Variants in OSBP2 observed in about 807,000 individuals in gnomAD.
OSBP2 encodes the protein oxysterol binding protein 2, also known as oxysterol-binding protein 2.
OSBP2 carries 66 observed loss-of-function variants against 96.0 expected under a neutral mutation model. The ratio of observed to expected loss-of-function variants is 0.69; its 90% CI spans 0.56 to 0.84. The LOEUF (loss-of-function observed/expected upper bound fraction) is 0.84, where lower values mean the gene tolerates loss of function less well. Among genes scored for constraint, OSBP2 ranks in the 40% least tolerant of loss-of-function variants. OSBP2 has a pLI of 0.00. For missense variants in OSBP2, 1,038 were observed against 1,222.7 expected, an observed-to-expected ratio of 0.85 and a Z score of 2.25; for synonymous variants, 525 against 520.9, an observed-to-expected ratio of 1.01 and a Z score of -0.11.
At chr22:30,857,622 G>C (rs781225603) in intron 2 of OSBP2, among the ~76,000 whole-genome samples, 5 of 152,318 alleles carry the variant, frequency 3.3e-5, no homozygotes, top group South Asian at 4.1e-4. Context: ...AATGCTTGTA[G>C]CCTCCTCATT....
chr22:30,851,237 AT>A (rs58883835), intron 2 of OSBP2, among the ~76,000 whole-genome samples: 47,522 of 144,508 alleles, frequency 0.33, 7,962 homozygotes, highest in African/African-American at 0.45. Context: ...TAATTTTTGT[AT>A]TTTTTTTTTT....
In OSBP2 at chr22:30,887,599, C is replaced by A; in HGVS notation, c.1281C>A (p.Pro427=). 2 of 1,604,978 alleles carry A rather than the reference C, an allele frequency of 1.2e-6. No homozygotes were observed. The highest frequency in any genetic ancestry group is 2.3e-5 in the East Asian group (1 of 44,394). ...FHSAPGRPAN[P]SKSFIEGSLL... Reference sequence around the variant, plus strand: ...GTGCCCCTGGCCGGCCGGCCAACCCCTCCAAGAGCTTCATTGAGGGTGAGT... The same window carrying A: ...GTGCCCCTGGCCGGCCGGCCAACCCATCCAAGAGCTTCATTGAGGGTGAGT... Residue 427 remains proline (P), a synonymous_variant, in exon 4 of 14, where the codon CCC becomes CCA. Coordinates refer to ENST00000332585, the MANE Select transcript of OSBP2 (RefSeq NM_030758.4).
At chr22:30,829,159 G>A (rs114713001) in intron 2 of OSBP2, among the ~76,000 whole-genome samples, 2 of 152,174 alleles carry the variant, frequency 1.3e-5, no homozygotes, top group African/African-American at 2.4e-5. Flanking sequence ...AGAACATAGC[G>A]TGCTCTCCAG....
chr22:30,711,548 T>C (rs1280940613), intron 1 of OSBP2, among the ~76,000 whole-genome samples: 1 of 151,882 alleles, frequency 6.6e-6, no homozygotes, highest in Non-Finnish European at 1.5e-5. Flanking sequence ...GAGACCAGCC[T>C]GGGCAACATG....
chr22:30,851,701 G>A (rs1416961039), intron 2 of OSBP2, among the ~76,000 whole-genome samples: 1 of 152,012 alleles, frequency 6.6e-6, no homozygotes, highest in Non-Finnish European at 1.5e-5. Context: ...TCCTAAACCA[G>A]GAAGTTTATT....
At chr22:30,841,591 C>T (rs763968912) in intron 2 of OSBP2, among the ~76,000 whole-genome samples, 1 of 152,094 alleles carries the variant, frequency 6.6e-6, no homozygotes, top group South Asian at 2.1e-4. Flanking sequence ...GCAATAAGTG[C>T]GTCACATGAA....
At chr22:30,740,461 T>C (rs1408979357) in intron 1 of OSBP2, among the ~76,000 whole-genome samples, 1 of 152,234 alleles carries the variant, frequency 6.6e-6, no homozygotes, top group Non-Finnish European at 1.5e-5. Context: ...AATGTTACTC[T>C]AGTCCCTAGG....
intron 2 of OSBP2, among the ~76,000 whole-genome samples, chr22:30,765,308 C>T (rs557761554): frequency 6.6e-6 from 1 of 152,262 alleles, no homozygotes; most frequent in East Asian, 1.9e-4. Flanking sequence ...CTCCCGGGTT[C>T]AGACGATTCT....
Position 30,888,272 on chromosome 22 carries a change from C to T in OSBP2, c.1350C>T (p.Thr450=), listed in dbSNP as rs1427999788. ...AGGACAGTGAGGAAGATGAAGATAC[C>T]GAGTACTTTGATGCCATGGAAGACT... ...KGEDSEEDED[T]EYFDAMEDST... is the part of the protein sequence containing the mutation. Residue 450 remains threonine (T), a synonymous_variant, in exon 5 of 14, where the codon ACC becomes ACT. Coordinates refer to ENST00000332585, the MANE Select transcript of OSBP2 (RefSeq NM_030758.4). 13 of 1,613,738 alleles carry T rather than the reference C, an allele frequency of 8.1e-6. No homozygotes were observed. The highest frequency in any genetic ancestry group is 3.3e-5 in the South Asian group (3 of 91,076).
At chr22:30,711,559 G>A (rs989384796) in intron 1 of OSBP2, among the ~76,000 whole-genome samples, 7 of 151,880 alleles carry the variant, frequency 4.6e-5, no homozygotes, top group African/African-American at 1.7e-4. Context: ...GGGCAACATG[G>A]CAAAACCCCA....
At chr22:30,787,162 C>A (rs891985896) in intron 2 of OSBP2, among the ~76,000 whole-genome samples, 1 of 152,142 alleles carries the variant, frequency 6.6e-6, no homozygotes. Flanking sequence ...CTAATAAAGA[C>A]ATACCCAAGA....
intron 2 of OSBP2, among the ~76,000 whole-genome samples, chr22:30,814,812 C>T (rs1158049976): frequency 6.6e-6 from 1 of 152,160 alleles, no homozygotes; most frequent in African/African-American, 2.4e-5. Context: ...TGGGGGGACA[C>T]ATTTCAACCC....
intron 2 of OSBP2, among the ~76,000 whole-genome samples, chr22:30,794,417 A>T (rs1158729761): frequency 1.3e-5 from 2 of 151,890 alleles, no homozygotes; most frequent in East Asian, 3.9e-4. Flanking sequence ...GGCGCCCGAC[A>T]TCATGTCCGA....
intron 2 of OSBP2, among the ~76,000 whole-genome samples, chr22:30,748,019 G>A (rs2145750792): frequency 6.6e-6 from 1 of 151,120 alleles, no homozygotes; most frequent in African/African-American, 2.4e-5. Flanking sequence ...TGGGACTACA[G>A]GCACCCACCA....
chr22:30,872,422 C>T (rs1012324003), intron 3 of OSBP2: 1 of 455,630 alleles, frequency 2.2e-6, no homozygotes, highest in Non-Finnish European at 4.4e-6. Flanking sequence ...AGCTGGCTGC[C>T]GTCTTGCACA....
intron 2 of OSBP2, among the ~76,000 whole-genome samples, chr22:30,846,586 T>C (rs2038875607): frequency 1.3e-5 from 2 of 152,172 alleles, no homozygotes; most frequent in African/African-American, 2.4e-5. Context: ...TGTGGGTTTT[T>C]TTTTTAATCC....
chr22:30,880,043 C>CT (rs1349582293), intron 3 of OSBP2, among the ~76,000 whole-genome samples: 1 of 151,504 alleles, frequency 6.6e-6, no homozygotes, highest in Non-Finnish European at 1.5e-5. Flanking sequence ...GAGCAAGACT[C>CT]TGTCTCAAAA....
chr22:30,779,095 A>C (rs2090477945), intron 2 of OSBP2, among the ~76,000 whole-genome samples: 1 of 151,462 alleles, frequency 6.6e-6, no homozygotes, highest in African/African-American at 2.4e-5. Context: ...ATATATATAC[A>C]GATAGATACA....
intron 2 of OSBP2, among the ~76,000 whole-genome samples, chr22:30,781,444 A>G (rs527703222): frequency 6.6e-6 from 1 of 152,208 alleles, no homozygotes; most frequent in South Asian, 2.1e-4. Flanking sequence ...TTCATGCCAC[A>G]CACTGAGTCA....
Sources: allele counts gnomAD v4.1 joint callset (sites outside exome capture counted in the v4.1 genomes callset), GRCh38; gene constraint gnomAD v4.1.1; transcripts MANE v1.5; gene names NCBI Gene and HGNC (gene_info 2026-07-23, HGNC 2026-07-21).